The following TAPBPL variants were observed in gnomAD, a reference collection of about 807,000 sequenced individuals.
The protein encoded by TAPBPL is tapasin-related protein.
TAPBPL carries 32 observed loss-of-function variants against 44.8 expected under a neutral mutation model. The observed-to-expected ratio is 0.71, with a 90% CI of 0.54 to 0.96. The LOEUF is 0.96. TAPBPL is among the 40% of genes least tolerant of loss of function. TAPBPL has a pLI of 0.00. For missense variants in TAPBPL, 520 were observed against 586.6 expected (o/e 0.89, Z 1.17); for synonymous variants, 230 against 240.7 (o/e 0.96, Z 0.41).
rs537438146 is a variant in TAPBPL, at chr12:6,457,722, G to A, written c.882G>A (p.Gln294=). ...CCACCTCTCTGTACCGAGCTCAGCA[G>A]ATCATCCAGCTCAACATCCAAGGTG... The part of the protein sequence containing the change: ...QITTSLYRAQ[Q]IIQLNIQASP... The change falls in exon 4 of 7, where the codon CAG becomes CAA. Residue 294 remains glutamine (Q), a synonymous_variant. Transcript: ENST00000266556. 12 of 1,592,166 alleles carry A rather than the reference G, an allele frequency of 7.5e-6. No individual in the cohort carries two copies. Among genetic ancestry groups the A allele is most frequent in the African/African-American group, 1.3e-5 (1 of 74,756 alleles).
chr12:6,465,115 A>C (rs1949971829), downstream of TAPBPL: 11 of 837,282 alleles, frequency 1.3e-5, no homozygotes, highest in Non-Finnish European at 1.8e-5. Flanking sequence ...TTCCCAGGGG[A>C]TCATAACCAC....
intron 6 of TAPBPL, chr12:6,461,169 A>G (rs774585463): frequency 4.8e-5 from 65 of 1,357,854 alleles, no homozygotes; most frequent in Non-Finnish European, 6.1e-5. Context: ...AGTAGAAAGA[A>G]AGAGTAGTCA....
At chr12:6,470,601 T>C (rs1196004510), downstream of TAPBPL, 4 of 1,603,428 alleles carry the variant, frequency 2.5e-6, no homozygotes, top group Admixed American at 1.7e-5. Context: ...TGAGGGACGC[T>C]GCGGCTGAAG....
chr12:6,454,620 G>A (rs1023410579), intron 3 of TAPBPL, among the ~76,000 whole-genome samples: 3 of 152,156 alleles, frequency 2.0e-5, no homozygotes, highest in African/African-American at 7.2e-5. Context: ...TAAGACACAT[G>A]ATGCTATTCT....
chr12:6,463,280 A>C, downstream of TAPBPL: 1 of 1,306,116 alleles, frequency 7.7e-7, no homozygotes, highest in Non-Finnish European at 9.8e-7. This position sits in a 1 kb window ranked among gnomAD's most constrained non-coding sequence, Gnocchi z 4.0. Context: ...CCATGACAGC[A>C]CAGCAATACA....
intron 3 of TAPBPL, among the ~76,000 whole-genome samples, chr12:6,454,196 C>T (rs1036655035): frequency 6.6e-6 from 1 of 151,842 alleles, no homozygotes; most frequent in Non-Finnish European, 1.5e-5. Context: ...AGGCCAGGTG[C>T]GAAGGCCCAT....
chr12:6,470,579 C>T, downstream of TAPBPL: 1 of 1,613,188 alleles, frequency 6.2e-7, no homozygotes, highest in Non-Finnish European at 8.5e-7. Context: ...GAGGCTGCGG[C>T]GAGACACCCG....
At chr12:6,457,831 G>A in intron 4 of TAPBPL, 87 bp downstream of exon 4, 1 of 1,362,012 alleles carries the variant, frequency 7.3e-7, no homozygotes, top group Non-Finnish European at 9.8e-7. Flanking sequence ...ATGCAAGAAT[G>A]ATTTCCTGAG....
intron 3 of TAPBPL, among the ~76,000 whole-genome samples, chr12:6,455,717 C>T (rs1229226436): frequency 6.6e-6 from 1 of 151,856 alleles, no homozygotes; most frequent in Non-Finnish European, 1.5e-5. Flanking sequence ...ATTGCTTGAG[C>T]CCAGGAGTTT....
downstream of TAPBPL, among the ~76,000 whole-genome samples, chr12:6,469,454 T>C (rs2240868): frequency 0.065 from 9,884 of 152,170 alleles, 651 homozygotes; most frequent in African/African-American, 0.16. Flanking sequence ...TTGCCCAAAA[T>C]GCATAGAACA....
rs74873528 is a variant in TAPBPL at position 6,454,973 on chromosome 12, C to A, written c.565+1257C>A. 3.5e-3 allele frequency among the ~76,000 whole-genome samples: 538 copies of A among 152,234 alleles called. 1 individual carries two copies. The highest frequency in any genetic ancestry group is 6.1e-3 in the Non-Finnish European group (418 of 68,012). On this transcript the variant is annotated intron_variant, in intron 3 of 6. Coordinates refer to ENST00000266556, the MANE Select transcript of TAPBPL (RefSeq NM_018009.5). ...ACACTCTAACCTCTCTGTGGTCCAA[C>A]CTAAATCTATCCTGACCCATTAGAA...
At chr12:6,465,910 C>A (rs1950011605), downstream of TAPBPL, 2 of 1,614,144 alleles carry the variant, frequency 1.2e-6, no homozygotes, top group African/African-American at 1.3e-5. Context: ...GATGCTCCTG[C>A]CTGCAAGGCA....
downstream of TAPBPL, chr12:6,462,689 G>T: frequency 2.2e-6 from 2 of 894,740 alleles, no homozygotes; most frequent in Non-Finnish European, 3.4e-6. Context: ...GGACGGATTC[G>T]CTCCAGGCTT....
At chr12:6,456,117 G>T (rs1249280447) in intron 3 of TAPBPL, among the ~76,000 whole-genome samples, 3 of 132,688 alleles carry the variant, frequency 2.3e-5, no homozygotes, top group African/African-American at 8.5e-5. Context: ...TTCTCCACTT[G>T]TCCCAATATT....
At chr12:6,463,502 C>T (rs1052234204), downstream of TAPBPL, 2 of 1,037,970 alleles carry the variant, frequency 1.9e-6, no homozygotes. The surrounding 1 kb of genome is among the most constrained non-coding windows in gnomAD (Gnocchi z 4.0). Context: ...CCTTCATCAA[C>T]AGGAAGAGAG....
downstream of TAPBPL, among the ~76,000 whole-genome samples, chr12:6,469,198 G>C (rs1165576667): frequency 1.3e-5 from 2 of 152,168 alleles, no homozygotes; most frequent in African/African-American, 4.8e-5. Context: ...GGAGCCACAA[G>C]ACTCTTGTCC....
At chr12:6,454,308 A>C (rs2136979481) in intron 3 of TAPBPL, among the ~76,000 whole-genome samples, 1 of 149,492 alleles carries the variant, frequency 6.7e-6, no homozygotes, top group South Asian at 2.1e-4. Flanking sequence ...CTCTCTACTA[A>C]AATACAGAAA....
chr12:6,452,426 T>TAGGGATGACCCCATCC, intron 1 of TAPBPL, 114 bp downstream of exon 1: 1 of 1,463,992 alleles, frequency 6.8e-7, no homozygotes, highest in Non-Finnish European at 9.1e-7. Flanking sequence ...CCCATCGCCT[T>TAGGGATGACCCCATCC]CTAAGCCCAA....
At chr12:6,465,362 A>ATATATATATATAAATGTATATATATG (rs1565525930), downstream of TAPBPL, 2 of 228,260 alleles carry the variant, frequency 8.8e-6, no homozygotes, top group Non-Finnish European at 1.7e-5. Context: ...AAAAAAGTAT[A>ATATATATATATAAATGTATATATATG]TATATATATA....
Sources: gnomAD v4.1 joint callset for allele counts (sites outside exome capture counted in the v4.1 genomes callset) on GRCh38, gnomAD v4.1.1 for gene constraint, Gnocchi (gnomAD v3.1) non-coding constraint, MANE v1.5 for transcripts, NCBI Gene and HGNC (gene_info 2026-07-23, HGNC 2026-07-21) for gene names.